The following DNAH8 variants were observed in gnomAD, a reference collection of about 807,000 sequenced individuals.
DNAH8 encodes the protein dynein axonemal heavy chain 8.
Under a neutral mutation model 562.1 loss-of-function variants are expected in DNAH8, and 382 were observed. The observed-to-expected ratio is 0.68, with a 90% CI of 0.63 to 0.74. DNAH8 has a LOEUF of 0.74. Among genes scored for constraint, DNAH8 ranks in the 30% least tolerant of loss-of-function variants. The pLI, the probability that DNAH8 is intolerant of heterozygous loss-of-function variation, is 0.00. For synonymous variants in DNAH8, 1,881 were observed against 1,919.4 expected (o/e 0.98, Z 0.52); for missense variants, 5,203 against 5,620.4 (o/e 0.93, Z 2.37).
intron 88 of DNAH8, among the ~76,000 whole-genome samples, chr6:39,001,947 G>T (rs770863826): frequency 6.6e-6 from 1 of 152,056 alleles, no homozygotes; most frequent in Non-Finnish European, 1.5e-5. Context: ...CTAGAGCTTG[G>T]AAACTAAGAA....
chr6:38,828,217 G>A lies in DNAH8; in HGVS notation c.4117G>A (p.Glu1373Lys). The part of the protein sequence containing the change: ...AYAILNRFEV[E>K]VTKEESEAVD... ...TGCTATTTTAAACAGATTTGAAGTT[G>A]AAGTAACCAAAGAAGAATCAGAAGC... Residue 1373 changes from glutamate (E) to lysine (K), a missense_variant, in exon 30 of 93, where the codon GAA (glutamate) becomes AAA (lysine). By Grantham distance (56) the Glu-to-Lys change is moderately conservative. Around this residue, in one of 6 missense-constraint regions of DNAH8, gnomAD observed 2,176 missense variants for 2,365.1 expected, o/e 0.92. Coordinates refer to ENST00000327475, the MANE Select transcript of DNAH8 (RefSeq NM_001206927.2). The A allele has an allele frequency of 3.8e-6, 6 of 1,596,044 alleles. No homozygotes were observed. Among genetic ancestry groups the A allele is most frequent in the African/African-American group, 1.3e-5 (1 of 74,324 alleles).
At chr6:38,807,774 C>A (rs1381477355) in intron 24 of DNAH8, 58 bp downstream of exon 24, 11 of 846,950 alleles carry the variant, frequency 1.3e-5, no homozygotes, top group Non-Finnish European at 1.9e-5. Context: ...TGAATAGCAC[C>A]TCTTATAAAT....
intron 10 of DNAH8, among the ~76,000 whole-genome samples, chr6:38,760,940 T>C (rs970866881): frequency 6.6e-6 from 1 of 152,038 alleles, no homozygotes; most frequent in African/African-American, 2.4e-5. Flanking sequence ...TATTCCTTGA[T>C]AGCAATGTAA....
intron 1 of DNAH8, among the ~76,000 whole-genome samples, chr6:38,715,953 T>A (rs1299478040): frequency 6.8e-5 from 2 of 29,250 alleles, no homozygotes; most frequent in Non-Finnish European, 1.4e-4. Context: ...TATATATATA[T>A]ATATATATTT....
chr6:38,749,010 T>C (rs2127593639), intron 8 of DNAH8, among the ~76,000 whole-genome samples: 1 of 152,210 alleles, frequency 6.6e-6, no homozygotes. Context: ...CAGATCACAC[T>C]GAAGGCTTCC....
Position 38,991,560 on chromosome 6 carries a change from G to A in DNAH8, c.13214+1388G>A, listed in dbSNP as rs960384302. 3.3e-5 allele frequency among the ~76,000 whole-genome samples: 5 copies of A among 152,234 alleles called. No homozygotes were observed. In the East Asian group the frequency reaches 5.8e-4, roughly 18 times the overall value. ...TGCTCAGAATCCTCCCAAGGTTCCC[G>A]TGACACTCTGAGACAAGGTCAAAGA... On this transcript the variant is annotated intron_variant, in intron 88 of 92. Transcript: ENST00000327475.
intron 88 of DNAH8, among the ~76,000 whole-genome samples, chr6:39,002,587 A>G (rs921701008): frequency 6.6e-6 from 1 of 152,226 alleles, no homozygotes; most frequent in Non-Finnish European, 1.5e-5. Context: ...CATGTATTCA[A>G]CTGCATGCAT....
rs2281344 is a variant in DNAH8, at chr6:39,024,392, G to A, written c.13715-2154G>A. 0.011 allele frequency among the ~76,000 whole-genome samples: 1,702 copies of A among 152,270 alleles called. 111 individuals are homozygous for A. The East Asian group carries it at 0.16, about 14-fold the overall frequency. On this transcript the variant is annotated intron_variant, in intron 91 of 92. Transcript: ENST00000327475. The stretch of plus-strand genomic sequence containing the variant: ...TACAGTGTCTAATACATGGATGCAC[G>A]CTGAATGTTGAATGGTGAAAATGAC...
intron 8 of DNAH8, among the ~76,000 whole-genome samples, chr6:38,742,973 C>A (rs1276936287): frequency 7.2e-6 from 1 of 138,294 alleles, no homozygotes; most frequent in Non-Finnish European, 1.5e-5. Flanking sequence ...CGAGCTTGAG[C>A]GGTATGGTTT....
chr6:39,019,621 C>T (rs1462792773), intron 91 of DNAH8, among the ~76,000 whole-genome samples: 3 of 151,886 alleles, frequency 2.0e-5, no homozygotes, highest in Non-Finnish European at 4.4e-5. Flanking sequence ...TCTGGGATTG[C>T]GGTTTTGCCA....
chr6:38,797,621 C>T (rs1770394209), intron 21 of DNAH8, among the ~76,000 whole-genome samples: 1 of 152,112 alleles, frequency 6.6e-6, no homozygotes, highest in Non-Finnish European at 1.5e-5. Context: ...ACTGTGAGAT[C>T]CTGTCTCCTT....
At chr6:38,849,827 T>TC (rs936656626) in intron 37 of DNAH8, among the ~76,000 whole-genome samples, 4 of 152,102 alleles carry the variant, frequency 2.6e-5, no homozygotes, top group South Asian at 2.1e-4. Context: ...TTTCTTTTTT[T>TC]CCCCGCCTTG....
In DNAH8 at chr6:38,938,181, C is replaced by T. The variant is rs61757218; in HGVS notation, c.11771C>T (p.Thr3924Met). The T allele has an allele frequency of 6.2e-3, 9,965 of 1,613,926 alleles. 38 individuals are homozygous for T. The highest frequency in any genetic ancestry group is 9.5e-3 in the African/African-American group (715 of 75,030). ...AGCATGGTCAACATCATGTATCAGA[C>T]GTCATTGGCCCAGTTCTTGAAGTTA... The part of the protein sequence containing the change: ...EMSMVNIMYQ[T>M]SLAQFLKLFD... Residue 3924 changes from threonine (T) to methionine (M), a missense_variant, in exon 78 of 93, where the codon ACG becomes ATG. Transcript: ENST00000327475.
rs1314193732 is a variant in DNAH8 at position 38,734,333 on chromosome 6, C to CCG, written c.611-140_611-139insGC. ...ATTGGCATCTTCTAGTAGACCCCCCCCCAAAAAAATTATTCTATGACCGTA... is the reference window on the plus strand; with the variant it reads ...ATTGGCATCTTCTAGTAGACCCCCCCCGCCAAAAAAATTATTCTATGACCGTA... On this transcript the variant is annotated intron_variant, in intron 4 of 92. Coordinates refer to ENST00000327475, the MANE Select transcript of DNAH8 (RefSeq NM_001206927.2). 3.7e-6 allele frequency: 3 copies of CCG among 815,356 alleles called. 1 individual carries two copies. Among genetic ancestry groups the CCG allele is most frequent in the East Asian group, 1.1e-4 (2 of 17,914 alleles). 50.5% of individuals were successfully genotyped at this position (815,356 alleles called of 1,614,324 possible).
chr6:38,789,927 A>T (rs776131462), intron 19 of DNAH8, 44 bp downstream of exon 19: 1 of 1,460,454 alleles, frequency 6.8e-7, no homozygotes, highest in East Asian at 2.3e-5. Flanking sequence ...TGTTATTTAA[A>T]ATTAGATTTC....
At position 38,755,981 on chromosome 6, in the gene DNAH8, G is replaced by A. The variant is rs776772658; in HGVS notation, c.1417G>A (p.Ala473Thr). The A allele has an allele frequency of 4.2e-5, 67 of 1,588,888 alleles. 1 individual carries two copies. The highest frequency in any genetic ancestry group is 1.4e-4 in the South Asian group (13 of 90,358). ...PLYNHDLVSMAHGIQNLINAI... is the reference protein window; with the variant it reads ...PLYNHDLVSMTHGIQNLINAI... Reference sequence around the variant, plus strand: ...TTTGTTTCAATGTTAGGTTTCCATGGCACATGGAATACAAAATTTGATTAA... The same window carrying A: ...TTTGTTTCAATGTTAGGTTTCCATGACACATGGAATACAAAATTTGATTAA... Residue 473 changes from alanine to threonine, a missense_variant, in exon 10 of 93, where the codon GCA becomes ACA. By Grantham distance (58) the Ala-to-Thr change is moderately conservative. Coordinates refer to ENST00000327475, the MANE Select transcript of DNAH8 (RefSeq NM_001206927.2).
intron 89 of DNAH8, among the ~76,000 whole-genome samples, chr6:39,009,360 G>A (rs945712466): frequency 2.0e-5 from 3 of 151,758 alleles, no homozygotes; most frequent in Non-Finnish European, 2.9e-5. Context: ...TGGTCATTTG[G>A]TATTCTATAA....
intron 8 of DNAH8, among the ~76,000 whole-genome samples, chr6:38,746,199 A>G (rs901081672): frequency 4.6e-5 from 7 of 152,198 alleles, no homozygotes; most frequent in African/African-American, 1.7e-4. Flanking sequence ...TCATTAATAT[A>G]GCCTCATGGG....
At chr6:38,995,302 A>C (rs1216711263) in intron 88 of DNAH8, among the ~76,000 whole-genome samples, 2 of 152,188 alleles carry the variant, frequency 1.3e-5, no homozygotes, top group African/African-American at 4.8e-5. Context: ...TAAGGTAGTG[A>C]TATACTCTAT....
Sources: gnomAD v4.1 joint callset for allele counts (sites outside exome capture counted in the v4.1 genomes callset) on GRCh38, gnomAD v4.1.1 for gene constraint, gnomAD v4.1.1 regional missense constraint, MANE v1.5 for transcripts, NCBI Gene and HGNC (gene_info 2026-07-23, HGNC 2026-07-21) for gene names.